ADD3: variants seen among roughly 807,000 people sequenced by gnomAD.
ADD3 encodes gamma-adducin.
In ADD3, 25 loss-of-function variants were observed where a neutral mutation model predicts 80.2. The observed-to-expected ratio is 0.31, with a 90% CI of 0.23 to 0.44. The LOEUF (loss-of-function observed/expected upper bound fraction) is 0.44. Among genes scored for constraint, ADD3 ranks in the 20% least tolerant of loss-of-function variants. ADD3 has a pLI of 1.00. For missense variants in ADD3, 829 were observed against 847.5 expected (o/e 0.98, Z 0.27); for synonymous variants, 284 against 289.6 (o/e 0.98, Z 0.20).
At chr10:110,030,490 A>G (rs1440818998) in intron 1 of ADD3, among the ~76,000 whole-genome samples, 1 of 151,432 alleles carries the variant, frequency 6.6e-6, no homozygotes, top group Non-Finnish European at 1.5e-5. Flanking sequence ...AAGCAACTGG[A>G]TTCCCTTGGT....
chr10:110,119,137 CCAAA>C (rs1851145823), intron 6 of ADD3, 70 bp from the exon 7 acceptor site: 3 of 1,540,436 alleles, frequency 1.9e-6, no homozygotes, highest in Non-Finnish European at 1.8e-6. Context: ...CCTGAGCTGA[CCAAA>C]CAATCAGGTT....
At chr10:110,022,963 T>C (rs1312543320) in intron 1 of ADD3, among the ~76,000 whole-genome samples, 1 of 152,208 alleles carries the variant, frequency 6.6e-6, no homozygotes, top group Non-Finnish European at 1.5e-5. Context: ...GACCAGATCA[T>C]GCAGGCCCTG....
At chr10:110,025,584 T>TAAAAG (rs60500608) in intron 1 of ADD3, among the ~76,000 whole-genome samples, 4 of 151,918 alleles carry the variant, frequency 2.6e-5, no homozygotes, top group African/African-American at 4.8e-5. Context: ...CAAATAGAAA[T>TAAAAG]AGAGAGGGTG....
intron 2 of ADD3, among the ~76,000 whole-genome samples, chr10:110,111,312 T>C (rs1038685412): frequency 6.6e-5 from 10 of 152,228 alleles, no homozygotes; most frequent in Admixed American, 1.3e-4. Context: ...AAGTGACTTA[T>C]GTTGCAAGAA....
At chr10:110,099,686 T>G (rs1848584538) in intron 1 of ADD3, among the ~76,000 whole-genome samples, 1 of 152,210 alleles carries the variant, frequency 6.6e-6, no homozygotes. Context: ...CCTAATGTTT[T>G]TTAAACATGC....
At chr10:110,077,285 A>G (rs1445113858) in intron 1 of ADD3, among the ~76,000 whole-genome samples, 1 of 150,066 alleles carries the variant, frequency 6.7e-6, no homozygotes, top group African/African-American at 2.5e-5. Context: ...CTTTTAGTTC[A>G]CTTGTCTGCT....
chr10:110,126,908 C>T lies in ADD3; in HGVS notation c.1608+405C>T, dbSNP rs548494998. Among the ~76,000 whole-genome samples, 4 of 152,294 alleles carry T rather than the reference C, an allele frequency of 2.6e-5. No individual in the cohort carries two copies. In the East Asian group the frequency reaches 7.7e-4, roughly 29 times the overall value. On this transcript the variant is annotated intron_variant, in intron 12 of 14. Coordinates refer to ENST00000356080, the MANE Select transcript of ADD3 (RefSeq NM_016824.5). ...TTGGTCTATCAGTTTTAGACCTTGA[C>T]TATTTTTCATCAAATCTGTGTTATC...
chr10:110,122,464 T>C (rs1273673139), intron 9 of ADD3, among the ~76,000 whole-genome samples, 172 bp downstream of exon 9: 1 of 152,014 alleles, frequency 6.6e-6, no homozygotes, highest in Non-Finnish European at 1.5e-5. Context: ...AACTTACAAA[T>C]GTCGTGTTTT....
chr10:110,053,487 T>C (rs1564898458), intron 1 of ADD3, among the ~76,000 whole-genome samples: 1 of 152,146 alleles, frequency 6.6e-6, no homozygotes, highest in South Asian at 2.1e-4. Context: ...TTAGTACATA[T>C]GCTGTAATAC....
At chr10:110,035,774 T>A (rs1477533060) in intron 1 of ADD3, among the ~76,000 whole-genome samples, 1 of 152,158 alleles carries the variant, frequency 6.6e-6, no homozygotes, top group Non-Finnish European at 1.5e-5. Context: ...TTACTATTGG[T>A]TTGAGACTCA....
At chr10:110,061,726 A>G (rs902819072) in intron 1 of ADD3, among the ~76,000 whole-genome samples, 1 of 152,226 alleles carries the variant, frequency 6.6e-6, no homozygotes, top group African/African-American at 2.4e-5. Flanking sequence ...AGTCTGAGAT[A>G]CATTCTACAC....
intron 1 of ADD3, among the ~76,000 whole-genome samples, chr10:110,018,897 T>G (rs1268563087): frequency 3.9e-5 from 6 of 152,164 alleles, no homozygotes; most frequent in African/African-American, 1.4e-4. Context: ...CCCTCTTAAC[T>G]CCATATGAAA....
intron 1 of ADD3, among the ~76,000 whole-genome samples, chr10:110,038,433 G>A (rs781565688): frequency 3.1e-4 from 47 of 152,276 alleles, no homozygotes; most frequent in South Asian, 1.4e-3. Context: ...GGACAGCAGC[G>A]TAAAAACAAT....
chr10:110,061,511 A>G (rs1858887077), intron 1 of ADD3, among the ~76,000 whole-genome samples: 1 of 152,220 alleles, frequency 6.6e-6, no homozygotes, highest in Non-Finnish European at 1.5e-5. Context: ...TAAAGCAAAT[A>G]GGTACTGTAC....
intron 1 of ADD3, among the ~76,000 whole-genome samples, chr10:110,070,706 A>G (rs1340599174): frequency 6.6e-6 from 1 of 152,168 alleles, no homozygotes; most frequent in African/African-American, 2.4e-5. Context: ...AAGATGCTTG[A>G]AGGCAGGCAG....
intron 1 of ADD3, among the ~76,000 whole-genome samples, chr10:110,044,809 C>T (rs893726233): frequency 1.7e-4 from 26 of 152,204 alleles, no homozygotes; most frequent in Middle Eastern, 6.8e-3. Flanking sequence ...ACTGTATGAC[C>T]TTATCAAATG....
intron 1 of ADD3, among the ~76,000 whole-genome samples, chr10:110,068,389 TTAG>T (rs1844247797): frequency 1.3e-5 from 2 of 152,192 alleles, no homozygotes; most frequent in Non-Finnish European, 2.9e-5. Context: ...ATTGAAAATA[TTAG>T]AGTAAAAATA....
intron 1 of ADD3, among the ~76,000 whole-genome samples, chr10:110,087,209 A>G (rs1391285809): frequency 1.3e-5 from 2 of 151,838 alleles, no homozygotes; most frequent in Admixed American, 6.6e-5. Flanking sequence ...TTGTATTTTT[A>G]GTAGGGATGG....
At chr10:110,050,145 G>C (rs929092916) in intron 1 of ADD3, among the ~76,000 whole-genome samples, 1 of 152,094 alleles carries the variant, frequency 6.6e-6, no homozygotes, top group African/African-American at 2.4e-5. Context: ...AGACTTTGGG[G>C]GACTGTTGGA....
Sources: allele counts gnomAD v4.1 joint callset (sites outside exome capture counted in the v4.1 genomes callset), GRCh38; gene constraint gnomAD v4.1.1; transcripts MANE v1.5; gene names NCBI Gene and HGNC (gene_info 2026-07-23, HGNC 2026-07-21).